Variants in GFUS observed in about 807,000 individuals in gnomAD.
The protein encoded by GFUS is 3-5 epimerase/4-reductase.
GFUS carries 42 observed loss-of-function variants against 41.5 expected under a neutral mutation model. The observed-to-expected ratio is 1.01, with a 90% CI of 0.79 to 1.31. The LOEUF (loss-of-function observed/expected upper bound fraction) is 1.31. Ranked by LOEUF, GFUS falls within the 50% of genes most tolerant of loss-of-function variation. GFUS has a pLI of 0.00. For synonymous variants in GFUS, 188 were observed against 173.4 expected (o/e 1.08, Z -0.66); for missense variants, 437 against 428.7 (o/e 1.02, Z -0.17).
intron 9 of GFUS, 100 bp from the exon 10 acceptor site, chr8:143,613,395 G>C (rs892948647): frequency 6.7e-7 from 1 of 1,488,662 alleles, no homozygotes; most frequent in African/African-American, 1.4e-5. Context: ...CCACAGCAGA[G>C]CTCCTCCGCC....
chr8:143,614,560 C>A, intron 5 of GFUS, 64 bp downstream of exon 5: 1 of 1,558,596 alleles, frequency 6.4e-7, no homozygotes, highest in Non-Finnish European at 8.7e-7. Flanking sequence ...CAGCCGGCCC[C>A]ACCCGCCCCT....
chr8:143,613,473 GCCCGCCCAAGGGGCC>G, intron 9 of GFUS, 36 bp downstream of exon 9: 1 of 1,592,180 alleles, frequency 6.3e-7, no homozygotes. Context: ...TGGCCACTGA[GCCCGCCCAAGGGGCC>G]CCCGCCCAAC....
At position 143,614,858 on chromosome 8, in the gene GFUS, G is replaced by A. The variant is rs201411011; in HGVS notation, c.319C>T (p.Arg107Cys). ...VLHSAFEVGA[R>C]KVVSCLSTCI... is the part of the protein sequence containing the mutation. ...GTGGACAGGCAGGACACCACCTTGC[G>A]GGCGCCCACCTCAAAGGCCGAGTGC... The change falls in exon 4 of 11, where the codon CGC (arginine) becomes TGC (cysteine). Residue 107 changes from arginine to cysteine, a missense_variant. Physicochemically the swap from Arg to Cys is radical, Grantham distance 180. Coordinates refer to ENST00000425753, the MANE Select transcript of GFUS (RefSeq NM_003313.4). The A allele has an allele frequency of 3.0e-5, 49 of 1,613,660 alleles. No homozygotes were observed. Among genetic ancestry groups the A allele is most frequent in the Admixed American group, 8.3e-5 (5 of 59,994 alleles).
intron 4 of GFUS, 44 bp from the exon 5 acceptor site, chr8:143,614,741 C>T (rs769778825): frequency 1.2e-6 from 2 of 1,613,112 alleles, no homozygotes; most frequent in East Asian, 4.5e-5. Flanking sequence ...CCTGGCCCTG[C>T]CCACCGGCTC....
At chr8:143,614,013 G>A in intron 7 of GFUS, 151 bp downstream of exon 7, 5 of 1,207,908 alleles carry the variant, frequency 4.1e-6, no homozygotes, top group East Asian at 2.5e-5. Context: ...GCCTCCACGA[G>A]GACCAGAGAT....
intron 3 of GFUS, chr8:143,615,891 G>T: frequency 2.1e-6 from 1 of 473,984 alleles, no homozygotes; most frequent in South Asian, 4.1e-5. Flanking sequence ...TGGGCCAAGT[G>T]CCTCCAGGCC....
In GFUS at chr8:143,613,206, G is replaced by A; in HGVS notation, c.900C>T (p.Pro300=). 6.2e-7 allele frequency: 1 copy of A among 1,613,968 alleles called. No individual in the cohort carries two copies. Among genetic ancestry groups the A allele is most frequent in the South Asian group, 1.1e-5 (1 of 91,090 alleles). ...GGGGTCAGGGCTCACCCTGCTTGAAGGGTGTGAACCGGAAGTCGGGCAGGT... is the reference window on the plus strand; with the variant it reads ...GGGGTCAGGGCTCACCCTGCTTGAAAGGTGTGAACCGGAAGTCGGGCAGGT... ...RTYLPDFRFT[P]FKQAVKETCA... is the part of the protein sequence containing the mutation. Residue 300 remains proline, a synonymous_variant, in exon 10 of 11, where the codon CCC becomes CCT. Coordinates refer to ENST00000425753, the MANE Select transcript of GFUS (RefSeq NM_003313.4).
Position 143,613,276 on chromosome 8 carries a change from T to G in GFUS, c.830A>C (p.Asp277Ala). 1 of 1,614,054 alleles carries G rather than the reference T, an allele frequency of 6.2e-7. No individual in the cohort carries two copies. Reference protein sequence around the residue: ...GEVTFDTTKSDGQFKKTASNS... With the variant: ...GEVTFDTTKSAGQFKKTASNS... ...ACTGGCTGTCTTCTTAAACTGCCCA[T>G]CCGACTTGGTTGTATCAAACTGGAG... The change falls in exon 10 of 11, where the codon GAT (aspartate) becomes GCT (alanine). Residue 277 changes from aspartate to alanine, a missense_variant. Coordinates refer to ENST00000425753, the MANE Select transcript of GFUS (RefSeq NM_003313.4).
In GFUS at chr8:143,616,718, T is replaced by C. The variant is rs371054505; in HGVS notation, c.-6A>G. 2 of 1,613,466 alleles carry C rather than the reference T, an allele frequency of 1.2e-6. No individual in the cohort carries two copies. Among genetic ancestry groups the C allele is most frequent in the African/African-American group, 2.7e-5 (2 of 74,964 alleles). On this transcript the variant is annotated 5_prime_UTR_variant, in exon 2 of 11. Coordinates refer to ENST00000425753, the MANE Select transcript of GFUS (RefSeq NM_003313.4). ...GATCCCTGGGGTTCACCCATGTCAG[T>C]TGCACCTGTAATGTCAAACAGTGGG...
intron 6 of GFUS, 37 bp downstream of exon 6, chr8:143,614,283 G>T: frequency 4.3e-6 from 7 of 1,613,638 alleles, no homozygotes; most frequent in Non-Finnish European, 5.9e-6. Context: ...CTCCTCCCGA[G>T]CTGAGCCCGG....
intron 7 of GFUS, among the ~76,000 whole-genome samples, 169 bp downstream of exon 7, chr8:143,613,995 C>T (rs946789910): frequency 6.6e-6 from 1 of 152,194 alleles, no homozygotes. Context: ...GAGACAGGAG[C>T]CTATGGGGCC....
Position 143,616,638 on chromosome 8 carries a change from C to T in GFUS, c.75G>A (p.Lys25=). Residue 25 remains lysine (K), a synonymous_variant, in exon 2 of 11, where the codon AAG becomes AAA. Coordinates refer to ENST00000425753, the MANE Select transcript of GFUS (RefSeq NM_003313.4). The part of the protein sequence containing the change: ...GSGLVGKAIQ[K]VVADGAGLPG... ...GAAGTCCAGCTCCATCTGCTACCACCTTCTGGATGGCTTTGCCTACCAGCC... is the reference window on the plus strand; with the variant it reads ...GAAGTCCAGCTCCATCTGCTACCACTTTCTGGATGGCTTTGCCTACCAGCC... 4.3e-6 allele frequency: 7 copies of T among 1,613,876 alleles called. No individual in the cohort carries two copies. The highest frequency in any genetic ancestry group is 1.3e-5 in the African/African-American group (1 of 75,040).
intron 2 of GFUS, 145 bp downstream of exon 2, chr8:143,616,422 C>A (rs1829727698): frequency 7.4e-7 from 1 of 1,349,504 alleles, no homozygotes; most frequent in Non-Finnish European, 1.1e-6. Flanking sequence ...GCCAAGCACA[C>A]CCAGGCCAGG....
chr8:143,613,117 C>T, intron 10 of GFUS, 79 bp downstream of exon 10: 2 of 1,544,154 alleles, frequency 1.3e-6, no homozygotes, highest in South Asian at 2.2e-5. Context: ...GGGCACCTCA[C>T]CTCTGCCCTG....
Position 143,613,793 on chromosome 8 carries a change from C to G in GFUS, c.688G>C (p.Val230Leu). The G allele has an allele frequency of 6.4e-7, 1 of 1,550,878 alleles. No individual in the cohort carries two copies. Residue 230 changes from valine to leucine, a missense_variant, in exon 8 of 11, where the codon GTC (valine) becomes CTC (leucine). Coordinates refer to ENST00000425753, the MANE Select transcript of GFUS (RefSeq NM_003313.4). Reference sequence around the variant, plus strand: ...TCCACTTCATTGTACTCCCGCAGGACCCAGATAAAGAGCTGGGCCAGGTCC... The same window carrying G: ...TCCACTTCATTGTACTCCCGCAGGAGCCAGATAAAGAGCTGGGCCAGGTCC... ...SLDLAQLFIW[V>L]LREYNEVEPI...
intron 1 of GFUS, chr8:143,616,987 A>G: frequency 3.7e-6 from 2 of 539,060 alleles, no homozygotes; most frequent in Non-Finnish European, 6.7e-6. Context: ...CTAGGCCGAG[A>G]AAAGGTACAT....
upstream of GFUS, chr8:143,617,868 G>C (rs1235889016): frequency 6.6e-6 from 1 of 152,156 alleles, no homozygotes; most frequent in Non-Finnish European, 1.5e-5. Flanking sequence ...GCGGGCTTAC[G>C]CTGCGGCGTC....
intron 1 of GFUS, 78 bp downstream of exon 1, chr8:143,617,396 C>T (rs1330172369): frequency 6.5e-6 from 1 of 152,810 alleles, no homozygotes; most frequent in Non-Finnish European, 1.5e-5. Flanking sequence ...GCCCCTCGAT[C>T]CCAGACCCCC....
At chr8:143,614,579 T>G (rs1181884179) in intron 5 of GFUS, 45 bp downstream of exon 5, 1 of 1,558,512 alleles carries the variant, frequency 6.4e-7, no homozygotes, top group South Asian at 1.2e-5. Context: ...CTGGGGGCCC[T>G]CTCCCCGACT....
Sources: allele counts gnomAD v4.1 joint callset (sites outside exome capture counted in the v4.1 genomes callset), GRCh38; gene constraint gnomAD v4.1.1; transcripts MANE v1.5; gene names NCBI Gene and HGNC (gene_info 2026-07-23, HGNC 2026-07-21).